Variants in SNTB1 observed in about 807,000 individuals in gnomAD.
SNTB1 encodes the protein beta-1-syntrophin.
SNTB1 carries 36 observed loss-of-function variants against 48.9 expected under a neutral mutation model. The observed-to-expected ratio is 0.74, with a 90% CI of 0.56 to 0.97. SNTB1 has a LOEUF of 0.97. Among genes scored for constraint, SNTB1 ranks in the 50% least tolerant of loss-of-function variants. The pLI is 0.00. For missense variants in SNTB1, 786 were observed against 703.4 expected (o/e 1.12, Z -1.33); for synonymous variants, 299 against 294.6 (o/e 1.01, Z -0.15).
intron 4 of SNTB1, among the ~76,000 whole-genome samples, chr8:120,574,507 C>T (rs1815916685): frequency 6.6e-6 from 1 of 152,040 alleles, no homozygotes; most frequent in African/African-American, 2.4e-5. Context: ...TAAATATGTA[C>T]ATAACTTTGT....
At chr8:120,707,297 C>T (rs79190681) in intron 1 of SNTB1, among the ~76,000 whole-genome samples, 308 of 152,244 alleles carry the variant, frequency 2.0e-3, no homozygotes, top group African/African-American at 7.0e-3. Flanking sequence ...CATCTTGCTC[C>T]GTAGAACTAA....
intron 1 of SNTB1, among the ~76,000 whole-genome samples, chr8:120,785,406 T>G (rs1252763671): frequency 6.6e-6 from 1 of 152,158 alleles, no homozygotes; most frequent in East Asian, 1.9e-4. Flanking sequence ...ACACTGTGGG[T>G]GTCAGACCTC....
chr8:120,542,644 A>G lies in SNTB1; in HGVS notation c.1334-644T>C, dbSNP rs142999804. Among the ~76,000 whole-genome samples the G allele has an allele frequency of 2.8e-3, 423 of 151,952 alleles. 1 individual carries two copies. The highest frequency in any genetic ancestry group is 9.7e-3 in the African/African-American group (402 of 41,426). The stretch of plus-strand genomic sequence containing the variant: ...ACTCCAGCCTGGGCGACAGAGCAAG[A>G]CTCTGTCTCAAAAAAAATTTTTTTT... On this transcript the variant is annotated intron_variant, in intron 5 of 6. Transcript: ENST00000517992.
At chr8:120,648,836 T>C (rs1817351829) in intron 2 of SNTB1, among the ~76,000 whole-genome samples, 1 of 152,232 alleles carries the variant, frequency 6.6e-6, no homozygotes, top group South Asian at 2.1e-4. Context: ...TTTCAAATAG[T>C]CCCATATTTC....
chr8:120,782,680 A>G (rs1819850693), intron 1 of SNTB1, among the ~76,000 whole-genome samples: 1 of 152,194 alleles, frequency 6.6e-6, no homozygotes, highest in South Asian at 2.1e-4. Flanking sequence ...ACCATCCAAT[A>G]ATGTAAAAAC....
chr8:120,789,500 C>A (rs568530203), intron 1 of SNTB1, among the ~76,000 whole-genome samples: 71 of 151,668 alleles, frequency 4.7e-4, no homozygotes, highest in Middle Eastern at 3.4e-3. Flanking sequence ...CTAGATTAAC[C>A]AAGAAGAGAA....
intron 2 of SNTB1, among the ~76,000 whole-genome samples, chr8:120,665,869 A>T (rs1028624179): frequency 6.6e-6 from 1 of 152,182 alleles, no homozygotes. Flanking sequence ...AAAGTCAATT[A>T]CCCATATATA....
chr8:120,783,328 TATA>T (rs1316899759), intron 1 of SNTB1, among the ~76,000 whole-genome samples: 3 of 152,166 alleles, frequency 2.0e-5, no homozygotes, highest in Non-Finnish European at 4.4e-5. Context: ...TTTTAAAATT[TATA>T]ATATTGCTGC....
chr8:120,595,696 G>A (rs1251957263), intron 3 of SNTB1, among the ~76,000 whole-genome samples: 2 of 151,784 alleles, frequency 1.3e-5, no homozygotes, highest in African/African-American at 4.8e-5. Context: ...CAATTCTCCT[G>A]CCTCAGCCTC....
At chr8:120,653,532 G>C (rs1257139040) in intron 2 of SNTB1, among the ~76,000 whole-genome samples, 1 of 152,136 alleles carries the variant, frequency 6.6e-6, no homozygotes, top group Non-Finnish European at 1.5e-5. Flanking sequence ...AATTTCTACT[G>C]TTTTAAGCCA....
chr8:120,791,729 G>A lies in SNTB1; in HGVS notation c.571+19544C>T, dbSNP rs10282950. Among the ~76,000 whole-genome samples the A allele has an allele frequency of 2.4e-3, 362 of 151,750 alleles. 2 individuals carry two copies. The highest frequency in any genetic ancestry group is 8.3e-3 in the African/African-American group (343 of 41,416). On this transcript the variant is annotated intron_variant, in intron 1 of 6. Coordinates refer to ENST00000517992, the MANE Select transcript of SNTB1 (RefSeq NM_021021.4). ...TCAACATCAATTATCAGGGAAATGC[G>A]AATTAAAATTACAATGAGATACTAC...
chr8:120,774,842 T>C (rs5003815), intron 1 of SNTB1, among the ~76,000 whole-genome samples: 69,443 of 151,700 alleles, frequency 0.46, 19,166 homozygotes, highest in African/African-American at 0.78. Flanking sequence ...TTGGTAGAGA[T>C]GGGGTTTCAC....
intron 1 of SNTB1, among the ~76,000 whole-genome samples, chr8:120,752,603 T>C (rs28378047): frequency 0.44 from 66,956 of 152,032 alleles, 20,866 homozygotes; most frequent in African/African-American, 0.85. Context: ...CCATACACAC[T>C]ACAGAATACT....
chr8:120,697,005 T>C (rs1313538560), intron 1 of SNTB1, among the ~76,000 whole-genome samples: 1 of 152,162 alleles, frequency 6.6e-6, no homozygotes, highest in Admixed American at 6.5e-5. Context: ...CTGGGTGTAC[T>C]TAAGAGAAAG....
intron 2 of SNTB1, among the ~76,000 whole-genome samples, chr8:120,677,537 TA>T (rs1417694997): frequency 6.6e-6 from 1 of 152,196 alleles, no homozygotes; most frequent in African/African-American, 2.4e-5. Context: ...CAGGACTTAA[TA>T]AAACCCTCTA....
intron 2 of SNTB1, chr8:120,635,560 A>T (rs1335383979): frequency 1.9e-5 from 3 of 160,474 alleles, no homozygotes; most frequent in African/African-American, 7.2e-5. Context: ...CATCTTTCCT[A>T]ACTTCTATAT....
intron 3 of SNTB1, among the ~76,000 whole-genome samples, chr8:120,581,061 C>T (rs1376471188): frequency 8.9e-5 from 13 of 146,860 alleles, no homozygotes; most frequent in Non-Finnish European, 1.8e-4. Context: ...AACACTCCAG[C>T]CTGGGCAACA....
At chr8:120,544,187 A>C (rs1815339147) in intron 5 of SNTB1, among the ~76,000 whole-genome samples, 1 of 152,168 alleles carries the variant, frequency 6.6e-6, no homozygotes, top group Non-Finnish European at 1.5e-5. Flanking sequence ...TAAATGTTAA[A>C]GCTATACCTT....
At chr8:120,650,489 A>G (rs1817395400) in intron 2 of SNTB1, among the ~76,000 whole-genome samples, 1 of 152,122 alleles carries the variant, frequency 6.6e-6, no homozygotes, top group Non-Finnish European at 1.5e-5. Flanking sequence ...CCCCAACAAA[A>G]CCCAAAGGGA....
Sources: gnomAD v4.1 joint callset for allele counts (sites outside exome capture counted in the v4.1 genomes callset) on GRCh38, gnomAD v4.1.1 for gene constraint, MANE v1.5 for transcripts, NCBI Gene and HGNC (gene_info 2026-07-23, HGNC 2026-07-21) for gene names.